Variants in RUSC2 observed in about 807,000 individuals in gnomAD.
RUSC2 encodes RUN and SH3 domain containing 2.
In RUSC2, 34 loss-of-function variants were observed where a neutral mutation model predicts 122.2. The ratio of observed to expected loss-of-function variants is 0.28; its 90% CI spans 0.21 to 0.37. The LOEUF is 0.37. RUSC2 is among the 10% of genes least tolerant of loss of function. RUSC2 has a pLI of 1.00. For missense variants in RUSC2, 1,747 were observed against 1,952.4 expected, an observed-to-expected ratio of 0.89 and a Z score of 1.98; for synonymous variants, 784 against 790.0, an observed-to-expected ratio of 0.99 and a Z score of 0.13.
Position 35,547,948 on chromosome 9 carries a change from T to C in RUSC2, c.1427T>C (p.Leu476Pro). The change falls in exon 2 of 12, where the codon CTT (leucine) becomes CCT (proline). Residue 476 changes from leucine (L) to proline (P), a missense_variant. Transcript: ENST00000361226. This position sits in a 1 kb window ranked among gnomAD's most constrained non-coding sequence, Gnocchi z 4.6. Reference protein sequence around the residue: ...QAAAAVGPTVLEGQVYTNTSP... With the variant: ...QAAAAVGPTVPEGQVYTNTSP... ...GCAGCTGCTGTGGGCCCCACTGTGC[T>C]TGAGGGACAAGTATACACGAATACT... 6.2e-7 allele frequency: 1 copy of C among 1,614,158 alleles called. No homozygotes were observed.
chr9:35,541,733 C>A (rs1279535821), intron 1 of RUSC2, among the ~76,000 whole-genome samples: 1 of 151,944 alleles, frequency 6.6e-6, no homozygotes, highest in African/African-American at 2.4e-5. Context: ...GTGTGAGCCC[C>A]CATGCTAGGT....
Position 35,497,197 on chromosome 9 carries a change from T to C in RUSC2, c.-93+7025T>C, listed in dbSNP as rs578151961. Among the ~76,000 whole-genome samples the C allele has an allele frequency of 3.3e-5, 5 of 152,254 alleles. 1 individual carries two copies. The highest frequency in any genetic ancestry group is 3.9e-4 in the East Asian group (2 of 5,184). ...CTGGCCAAGTTGTCATGATTTCTCATTGAGGGAAGAGAGATACGACACAGC... is the reference window on the plus strand; with the variant it reads ...CTGGCCAAGTTGTCATGATTTCTCACTGAGGGAAGAGAGATACGACACAGC... On this transcript the variant is annotated intron_variant, in intron 1 of 11. Coordinates refer to ENST00000361226, the MANE Select transcript of RUSC2 (RefSeq NM_014806.5).
intron 1 of RUSC2, chr9:35,538,914 G>C (rs1331753234): frequency 1.3e-5 from 2 of 152,572 alleles, no homozygotes; most frequent in Non-Finnish European, 2.9e-5. Context: ...CGGAGACTGG[G>C]GCTGGGATTG....
At position 35,548,382 on chromosome 9, in the gene RUSC2, G is replaced by A. The variant is rs1253891463; in HGVS notation, c.1861G>A (p.Val621Ile). Residue 621 changes from valine (V) to isoleucine (I), a missense_variant, in exon 2 of 12, where the codon GTC (valine) becomes ATC (isoleucine). Transcript: ENST00000361226. This position sits in a 1 kb window ranked among gnomAD's most constrained non-coding sequence, Gnocchi z 4.5. ...PDPSPPWSTQ[V>I]CQGPHSSEMP... ...CCCAAGTCCACCCTGGTCCACCCAG[G>A]TCTGTCAGGGACCCCACTCCAGTGA... 1 of 1,613,910 alleles carries A rather than the reference G, an allele frequency of 6.2e-7. No homozygotes were observed. Among genetic ancestry groups the A allele is most frequent in the African/African-American group, 1.3e-5 (1 of 74,930 alleles).
chr9:35,525,458 C>T (rs1821306378), intron 1 of RUSC2, among the ~76,000 whole-genome samples: 1 of 152,092 alleles, frequency 6.6e-6, no homozygotes, highest in African/African-American at 2.4e-5. Flanking sequence ...TGTCTAATTA[C>T]TTCTTCTACA....
chr9:35,527,356 A>G (rs2132525503), intron 1 of RUSC2, among the ~76,000 whole-genome samples: 1 of 152,062 alleles, frequency 6.6e-6, no homozygotes, highest in East Asian at 1.9e-4. Flanking sequence ...CTAGTGACAG[A>G]GTCTTGCTAT....
At chr9:35,508,109 A>C (rs1346717516) in intron 1 of RUSC2, among the ~76,000 whole-genome samples, 1 of 152,050 alleles carries the variant, frequency 6.6e-6, no homozygotes, top group East Asian at 1.9e-4. Context: ...GTCTTGACTC[A>C]TACCTCAGAA....
Position 35,561,403 on chromosome 9 carries a change from CCTCAGGGACCCTCATAACCCCCAGA to C in RUSC2, c.*27_*51del. ...ACTGAGGCCCTGTGCATGCTGGTGG[CCTCAGGGACCCTCATAACCCCCAGA>C]CTCAGAGCCCGAGAGCCCTTCCCAA... On this transcript the variant is annotated 3_prime_UTR_variant, in exon 12 of 12. Coordinates refer to ENST00000361226, the MANE Select transcript of RUSC2 (RefSeq NM_014806.5). 6.3e-7 allele frequency: 1 copy of C among 1,576,454 alleles called. No individual in the cohort carries two copies. The highest frequency in any genetic ancestry group is 8.6e-7 in the Non-Finnish European group (1 of 1,158,122).
Position 35,558,033 on chromosome 9 carries a change from C to T in RUSC2, c.3060+43C>T. On this transcript the variant is annotated intron_variant, in intron 6 of 11. Coordinates refer to ENST00000361226, the MANE Select transcript of RUSC2 (RefSeq NM_014806.5). The surrounding 1 kb of genome is among the most constrained non-coding windows in gnomAD (Gnocchi z 4.3). ...GAGAGCTGAGCTCTGCCTGCAAGCCCTCACCTGTCCCGCGCTACCACCTTC... is the reference window on the plus strand; with the variant it reads ...GAGAGCTGAGCTCTGCCTGCAAGCCTTCACCTGTCCCGCGCTACCACCTTC... 1 of 1,595,708 alleles carries T rather than the reference C, an allele frequency of 6.3e-7. No individual in the cohort carries two copies. Among genetic ancestry groups the T allele is most frequent in the East Asian group, 2.2e-5 (1 of 44,768 alleles).
At chr9:35,554,070 C>T (rs1821955925) in intron 2 of RUSC2, among the ~76,000 whole-genome samples, 1 of 152,230 alleles carries the variant, frequency 6.6e-6, no homozygotes, top group South Asian at 2.1e-4. Context: ...TCCCGCCTCG[C>T]AGAGCTACTG....
chr9:35,557,928 G>C lies in RUSC2; in HGVS notation c.2998G>C (p.Val1000Leu). ...CTTCCCTGCAGGGCTGGTAAAAGCT[G>C]TTAACATCGCTGTGGACCTCATTGT... is the stretch of plus-strand genomic sequence containing the variant. The part of the protein sequence containing the change: ...LLQKKGLVKA[V>L]NIAVDLIVAH... The change falls in exon 6 of 12, where the codon GTT (valine) becomes CTT (leucine). Residue 1000 changes from valine (V) to leucine (L), a missense_variant. Physicochemically the swap from Val to Leu is conservative, Grantham distance 32. Transcript: ENST00000361226. The surrounding 1 kb of genome is among the most constrained non-coding windows in gnomAD (Gnocchi z 4.6). 6.2e-7 allele frequency: 1 copy of C among 1,614,192 alleles called. No individual in the cohort carries two copies. Among genetic ancestry groups the C allele is most frequent in the Non-Finnish European group, 8.5e-7 (1 of 1,180,012 alleles).
At chr9:35,529,418 GT>G (rs200628766) in intron 1 of RUSC2, among the ~76,000 whole-genome samples, 1 of 150,564 alleles carries the variant, frequency 6.6e-6, no homozygotes, top group African/African-American at 2.4e-5. Flanking sequence ...AGTTCTTTTG[GT>G]TTTTTTTCAA....
intron 2 of RUSC2, among the ~76,000 whole-genome samples, chr9:35,554,469 G>C (rs933320566): frequency 3.9e-5 from 6 of 152,344 alleles, no homozygotes; most frequent in Non-Finnish European, 7.3e-5. Flanking sequence ...GGCATGATTG[G>C]AGATGGGATA....
chr9:35,529,698 G>A (rs1168167440), intron 1 of RUSC2, among the ~76,000 whole-genome samples: 2 of 151,586 alleles, frequency 1.3e-5, no homozygotes, highest in African/African-American at 4.9e-5. Flanking sequence ...AAATGGGAGG[G>A]AATGTACTGA....
chr9:35,537,222 C>T (rs962133307), intron 1 of RUSC2, among the ~76,000 whole-genome samples: 11 of 152,198 alleles, frequency 7.2e-5, no homozygotes, highest in African/African-American at 2.7e-4. Flanking sequence ...CAGCACAATG[C>T]ATGACTTAGC....
At chr9:35,505,659 G>A (rs1455988943) in intron 1 of RUSC2, among the ~76,000 whole-genome samples, 1 of 152,002 alleles carries the variant, frequency 6.6e-6, no homozygotes, top group Admixed American at 6.6e-5. Flanking sequence ...GAAAATGATT[G>A]AAATCCAAAC....
chr9:35,529,559 C>T (rs981374931), intron 1 of RUSC2, among the ~76,000 whole-genome samples: 1 of 150,098 alleles, frequency 6.7e-6, no homozygotes, highest in African/African-American at 2.5e-5. Flanking sequence ...CACTTTGCAG[C>T]CTTTGCTAAT....
chr9:35,551,089 A>G (rs1821884329), intron 2 of RUSC2, among the ~76,000 whole-genome samples: 1 of 152,168 alleles, frequency 6.6e-6, no homozygotes, highest in Admixed American at 6.5e-5. Context: ...AAAAACCAGG[A>G]GAGAGTGAAG....
Position 35,555,586 on chromosome 9 carries a change from G to T in RUSC2, c.2541G>T (p.Arg847=), listed in dbSNP as rs61743981. ...DQKILTLTEY[R]LHGTGSLPPL... is the part of the protein sequence containing the mutation. ...AGATACTGACCTTGACTGAGTACCG[G>T]CTCCATGGAACAGGAAGCTTGCCGC... Residue 847 remains arginine, a synonymous_variant, in exon 3 of 12, where the codon CGG becomes CGT. Transcript: ENST00000361226. The surrounding 1 kb of genome is among the most constrained non-coding windows in gnomAD (Gnocchi z 4.6). 1,784 of 1,613,922 alleles carry T rather than the reference G, an allele frequency of 1.1e-3. 15 individuals are homozygous for T. The African/African-American group carries it at 0.02, about 18-fold the overall frequency.
Sources: allele counts gnomAD v4.1 joint callset (sites outside exome capture counted in the v4.1 genomes callset), GRCh38; gene constraint gnomAD v4.1.1; non-coding constraint Gnocchi (gnomAD v3.1); transcripts MANE v1.5; gene names NCBI Gene and HGNC (gene_info 2026-07-23, HGNC 2026-07-21).